USP22: variants seen among roughly 807,000 people sequenced by gnomAD.
USP22 encodes the protein ubiquitin carboxyl-terminal hydrolase 22.
USP22 carries 22 observed loss-of-function variants against 68.1 expected under a neutral mutation model. That is an observed-to-expected ratio of 0.32 (90% confidence interval 0.23 to 0.46). The LOEUF (loss-of-function observed/expected upper bound fraction) is 0.46, where lower values mean the gene tolerates loss of function less well. Ranked by LOEUF, USP22 falls within the 20% of genes least tolerant of loss-of-function variation. USP22 has a pLI of 1.00. For missense variants in USP22, 433 were observed against 695.8 expected, an observed-to-expected ratio of 0.62 and a Z score of 4.25; for synonymous variants, 279 against 274.2, an observed-to-expected ratio of 1.02 and a Z score of -0.17.
chr17:21,021,307 T>G, intron 2 of USP22, 81 bp from the exon 3 acceptor site: 2 of 917,240 alleles, frequency 2.2e-6, no homozygotes, highest in East Asian at 5.0e-5. Context: ...TTAAACACAG[T>G]GAGGTTCTGT....
At chr17:21,040,164 G>A (rs1972408407) in intron 1 of USP22, among the ~76,000 whole-genome samples, 1 of 152,164 alleles carries the variant, frequency 6.6e-6, no homozygotes, top group Non-Finnish European at 1.5e-5. Flanking sequence ...AACAGAGCAA[G>A]ACTCTGTCTC....
upstream of USP22, chr17:21,043,123 A>ACACCCC (rs1972466791): frequency 2.6e-4 from 5 of 18,886 alleles, no homozygotes; most frequent in Non-Finnish European, 4.4e-4. Context: ...AGATTACGTC[A>ACACCCC]CCCCCCCCCC....
intron 10 of USP22, among the ~76,000 whole-genome samples, chr17:21,005,815 C>T: frequency 6.6e-6 from 1 of 152,228 alleles, no homozygotes; most frequent in South Asian, 2.1e-4. Context: ...GAACCTGAGA[C>T]TGGGACCTCA....
rs764574241 is a variant in USP22 at position 21,008,015 on chromosome 17, G to T, written c.1104-19C>A. 8.1e-6 allele frequency: 13 copies of T among 1,612,584 alleles called. No homozygotes were observed. The Admixed American group carries it at 1.7e-4, about 21-fold the overall frequency. On this transcript the variant is annotated intron_variant, in intron 8 of 12. Coordinates refer to ENST00000261497, the MANE Select transcript of USP22 (RefSeq NM_015276.2). ...GGTGAATCTACAGGCGTTCAAAAAAGACAGGAGCGGTAAGGGAGATGCAAG... is the reference window on the plus strand; with the variant it reads ...GGTGAATCTACAGGCGTTCAAAAAATACAGGAGCGGTAAGGGAGATGCAAG...
At position 21,008,278 on chromosome 17, in the gene USP22, GAAATGAAAACT is replaced by G. The variant is rs530453885; in HGVS notation, c.1104-293_1104-283del. On this transcript the variant is annotated intron_variant, in intron 8 of 12. Coordinates refer to ENST00000261497, the MANE Select transcript of USP22 (RefSeq NM_015276.2). The stretch of plus-strand genomic sequence containing the variant: ...ACCCAGCAGTTGAATTTGAGCCAGA[GAAATGAAAACT>G]AATGTTCACACACAAACTGTCCACA... Among the ~76,000 whole-genome samples, 13 of 152,262 alleles carry G rather than the reference GAAATGAAAACT, an allele frequency of 8.5e-5. No homozygotes were observed. The East Asian group carries it at 2.5e-3, about 29-fold the overall frequency.
intron 4 of USP22, 195 bp from the exon 5 acceptor site, chr17:21,018,306 C>A: frequency 3.9e-6 from 2 of 506,448 alleles, no homozygotes; most frequent in Non-Finnish European, 3.4e-6. Flanking sequence ...ATGTCCACCA[C>A]CATGGACCCC....
At position 21,005,156 on chromosome 17, in the gene USP22, C is replaced by T. The variant is rs566299413; in HGVS notation, c.1323-166G>A. On this transcript the variant is annotated intron_variant, in intron 10 of 12. Transcript: ENST00000261497. ...TCCCCATGTTTCGTGAGGACACTGA[C>T]GCTCAAGCTGTGGAGGCCCCTGCCT... 7.1e-5 allele frequency: 57 copies of T among 800,108 alleles called. No individual in the cohort carries two copies. In the South Asian group the frequency reaches 8.1e-4, roughly 11 times the overall value. The allele number at this position is 800,108 out of a possible 1,614,324, so 49.6% of individuals were successfully genotyped here. A position where few individuals can be genotyped will look rare whatever the true frequency, so the allele number is the denominator to read the frequency against.
At chr17:21,003,749 A>G (rs1364442233) in intron 12 of USP22, among the ~76,000 whole-genome samples, 1 of 151,902 alleles carries the variant, frequency 6.6e-6, no homozygotes, top group East Asian at 1.9e-4. Context: ...TAAAATACAA[A>G]AGTAGGCAGG....
intron 1 of USP22, chr17:21,042,404 G>C (rs1232153782): frequency 3.7e-6 from 1 of 268,366 alleles, no homozygotes; most frequent in Non-Finnish European, 7.0e-6. Flanking sequence ...AGAGAGGAGG[G>C]GGAGGGAAAG....
chr17:21,037,782 G>T (rs558186005), intron 1 of USP22, among the ~76,000 whole-genome samples: 1 of 152,216 alleles, frequency 6.6e-6, no homozygotes, highest in Non-Finnish European at 1.5e-5. Flanking sequence ...CAAATGAGTA[G>T]AAGTAAAAGC....
At chr17:21,012,227 A>G (rs1054962264) in intron 7 of USP22, among the ~76,000 whole-genome samples, 4 of 152,166 alleles carry the variant, frequency 2.6e-5, no homozygotes, top group Admixed American at 2.0e-4. Flanking sequence ...GTTCAAGGCC[A>G]GCCTGGGCAA....
intron 6 of USP22, 139 bp downstream of exon 6, chr17:21,015,613 A>T (rs565930145): frequency 5.6e-6 from 7 of 1,238,980 alleles, no homozygotes; most frequent in Admixed American, 3.1e-5. Context: ...GAAACAAATG[A>T]CGACAAGGGC....
In USP22 at chr17:21,002,162, C is replaced by T. The variant is rs559616665; in HGVS notation, c.*869G>A. On this transcript the variant is annotated 3_prime_UTR_variant, in exon 13 of 13. Coordinates refer to ENST00000261497, the MANE Select transcript of USP22 (RefSeq NM_015276.2). ...TATGAGCTGCAGCACAACTCTCCTC[C>T]GCTGCGCCCACTGCCAGCCACCAGC... is the stretch of plus-strand genomic sequence containing the variant. The T allele has an allele frequency of 1.9e-4, 29 of 152,460 alleles. No individual in the cohort carries two copies. Among genetic ancestry groups the T allele is most frequent in the African/African-American group, 5.8e-4 (24 of 41,556 alleles). The allele number at this position is 152,460 out of a possible 1,614,324, so 9.4% of individuals were successfully genotyped here. A position where few individuals can be genotyped will look rare whatever the true frequency, so the allele number is the denominator to read the frequency against.
chr17:21,028,845 A>C, intron 1 of USP22, among the ~76,000 whole-genome samples, 171 bp from the exon 2 acceptor site: 1 of 152,052 alleles, frequency 6.6e-6, no homozygotes, highest in East Asian at 1.9e-4. Context: ...CAGTTCCCCC[A>C]AACAGGACTT....
intron 1 of USP22, 78 bp from the exon 2 acceptor site, chr17:21,028,752 TC>T (rs966032443): frequency 6.6e-7 from 1 of 1,511,460 alleles, no homozygotes. Flanking sequence ...AAGCAAAGCA[TC>T]CCCCCGAGAC....
At position 21,004,782 on chromosome 17, in the gene USP22, GGCAGCCAA is replaced by G; in HGVS notation, c.1385+138_1385+145del. 1.3e-4 allele frequency: 18 copies of G among 140,982 alleles called. 7 individuals are homozygous for G. Among genetic ancestry groups the G allele is most frequent in the South Asian group, 1.9e-4 (1 of 5,384 alleles). 8.7% of individuals were successfully genotyped at this position (140,982 alleles called of 1,614,324 possible). A position where few individuals can be genotyped will look rare whatever the true frequency, so the allele number is the denominator to read the frequency against. ...AGCGGCCTTTCCTAGTGGAGCTGCG[GGCAGCCAA>G]TAGTGGAGCTGCGGGCAGCCAAGCG... is the stretch of plus-strand genomic sequence containing the variant. On this transcript the variant is annotated intron_variant, in intron 11 of 12. Transcript: ENST00000261497.
chr17:21,026,981 T>C (rs1283315894), intron 2 of USP22, among the ~76,000 whole-genome samples: 1 of 151,934 alleles, frequency 6.6e-6, no homozygotes, highest in Non-Finnish European at 1.5e-5. Flanking sequence ...TTTTTGTTAT[T>C]TTTAGTAGAG....
Position 21,004,786 on chromosome 17 carries a change from GC to G in USP22, c.1385+141del. On this transcript the variant is annotated intron_variant, in intron 11 of 12. Coordinates refer to ENST00000261497, the MANE Select transcript of USP22 (RefSeq NM_015276.2). ...GCCTTTCCTAGTGGAGCTGCGGGCA[GC>G]CAATAGTGGAGCTGCGGGCAGCCAA... The G allele has an allele frequency of 7.2e-4, 62 of 86,192 alleles. 27 individuals are homozygous for G. Among genetic ancestry groups the G allele is most frequent in the South Asian group, 3.9e-3 (8 of 2,046 alleles). The allele number at this position is 86,192 out of a possible 1,614,324, so 5.3% of individuals were successfully genotyped here. A position where few individuals can be genotyped will look rare whatever the true frequency, so the allele number is the denominator to read the frequency against.
intron 1 of USP22, among the ~76,000 whole-genome samples, chr17:21,029,268 T>C (rs1242956740): frequency 1.3e-5 from 2 of 152,184 alleles, no homozygotes; most frequent in African/African-American, 2.4e-5. Flanking sequence ...CTCACAATAC[T>C]AACGGGACGT....
Sources: allele counts gnomAD v4.1 joint callset (sites outside exome capture counted in the v4.1 genomes callset), GRCh38; gene constraint gnomAD v4.1.1; transcripts MANE v1.5; gene names NCBI Gene and HGNC (gene_info 2026-07-23, HGNC 2026-07-21).